The following FBXL17 variants were observed in gnomAD, a reference collection of about 807,000 sequenced individuals.
FBXL17 encodes the protein F-box/LRR-repeat protein 17.
FBXL17 carries 22 observed loss-of-function variants against 66.2 expected under a neutral mutation model. The observed-to-expected ratio is 0.33, with a 90% CI of 0.24 to 0.47. FBXL17 has a LOEUF of 0.47. Among genes scored for constraint, FBXL17 ranks in the 20% least tolerant of loss-of-function variants. FBXL17 has a pLI of 1.00. For synonymous variants in FBXL17, 474 were observed against 400.5 expected (o/e 1.18, Z -2.19); for missense variants, 878 against 948.2 (o/e 0.93, Z 0.97).
chr5:108,356,101 G>C (rs1174043652), intron 3 of FBXL17, among the ~76,000 whole-genome samples: 2 of 152,102 alleles, frequency 1.3e-5, no homozygotes, highest in Non-Finnish European at 2.9e-5. Context: ...ATTTCAGACA[G>C]AGCAGGCTTC....
chr5:108,247,201 G>C (rs1330716328), intron 4 of FBXL17, among the ~76,000 whole-genome samples: 1 of 152,160 alleles, frequency 6.6e-6, no homozygotes, highest in Non-Finnish European at 1.5e-5. Context: ...TCGAAGAAGA[G>C]AAAGCAATTG....
chr5:108,207,910 T>C (rs954578691), intron 5 of FBXL17, among the ~76,000 whole-genome samples: 5 of 152,134 alleles, frequency 3.3e-5, no homozygotes, highest in Admixed American at 2.6e-4. Flanking sequence ...TCTTCCACAA[T>C]AGTTGAACAA....
chr5:107,899,234 C>A (rs936990413), intron 7 of FBXL17, among the ~76,000 whole-genome samples: 4 of 152,172 alleles, frequency 2.6e-5, no homozygotes, highest in African/African-American at 9.7e-5. Flanking sequence ...CTATTTACTT[C>A]ATTGTAAGAA....
intron 7 of FBXL17, among the ~76,000 whole-genome samples, chr5:107,884,348 T>C (rs1231650374): frequency 6.6e-6 from 1 of 151,680 alleles, no homozygotes; most frequent in African/African-American, 2.4e-5. Flanking sequence ...AAAACAGAGG[T>C]TCAACAGCTC....
In FBXL17 at chr5:108,381,176, C is replaced by A; in HGVS notation, c.516G>T (p.Pro172=). The change falls in exon 1 of 9, where the codon CCG becomes CCT. Residue 172 remains proline (P), a synonymous_variant. Coordinates refer to ENST00000542267, the MANE Select transcript of FBXL17 (RefSeq NM_001163315.3). ...ASLGPVRFLG[P]PAAVQLFRGP... ...CCCGGAAGAGCTGCACGGCGGCGGG[C>A]GGCCCCAGGAAGCGCACCGGCCCCA... 7.0e-7 allele frequency: 1 copy of A among 1,428,080 alleles called. No homozygotes were observed. The highest frequency in any genetic ancestry group is 2.7e-5 in the Admixed American group (1 of 36,990). The allele number at this position is 1,428,080 out of a possible 1,614,324, so 88.5% of individuals were successfully genotyped here.
chr5:108,320,065 A>G (rs1047277519), intron 4 of FBXL17, among the ~76,000 whole-genome samples: 2 of 151,804 alleles, frequency 1.3e-5, no homozygotes, highest in African/African-American at 4.8e-5. Context: ...TAGAACATTT[A>G]GCATTACAAA....
intron 7 of FBXL17, among the ~76,000 whole-genome samples, chr5:107,956,315 G>A (rs1009465602): frequency 6.6e-6 from 1 of 152,162 alleles, no homozygotes; most frequent in African/African-American, 2.4e-5. Flanking sequence ...TAAGGAACCT[G>A]CAATTTTACT....
intron 4 of FBXL17, among the ~76,000 whole-genome samples, chr5:108,333,826 A>G (rs1268521669): frequency 2.6e-5 from 4 of 152,204 alleles, no homozygotes; most frequent in Admixed American, 2.0e-4. Flanking sequence ...AAGAAAACAT[A>G]GTAATAAGTA....
chr5:108,043,660 T>C (rs1747135061), intron 6 of FBXL17, among the ~76,000 whole-genome samples: 1 of 152,200 alleles, frequency 6.6e-6, no homozygotes, highest in African/African-American at 2.4e-5. Flanking sequence ...TGAGTAAATG[T>C]ATTCCCCCAA....
intron 6 of FBXL17, among the ~76,000 whole-genome samples, chr5:108,045,180 G>A (rs1364320724): frequency 2.0e-5 from 3 of 152,138 alleles, no homozygotes; most frequent in Non-Finnish European, 2.9e-5. Context: ...GGTGACTGAC[G>A]CCTATAATCC....
intron 6 of FBXL17, among the ~76,000 whole-genome samples, chr5:108,026,287 G>GT (rs1031516787): frequency 4.6e-5 from 7 of 151,434 alleles, no homozygotes; most frequent in Non-Finnish European, 7.4e-5. Context: ...GCATGAAATA[G>GT]TTTTTTTTTA....
chr5:108,116,024 AG>A lies in FBXL17; in HGVS notation c.1745+70092del, dbSNP rs2149958701. Among the ~76,000 whole-genome samples the A allele has an allele frequency of 2.0e-5, 3 of 152,332 alleles. No individual in the cohort carries two copies. The East Asian group carries it at 5.8e-4, about 29-fold the overall frequency. On this transcript the variant is annotated intron_variant, in intron 6 of 8. Transcript: ENST00000542267. The stretch of plus-strand genomic sequence containing the variant: ...ATTGGCTTGGAAATTTTACTGAATA[AG>A]TCATGGCCTGAGAAAAGATGAAAAG...
At chr5:108,230,472 G>A (rs892742737) in intron 4 of FBXL17, among the ~76,000 whole-genome samples, 10 of 152,080 alleles carry the variant, frequency 6.6e-5, no homozygotes, top group Admixed American at 5.2e-4. Context: ...ACTCAGGAAT[G>A]GAAAAACAAA....
intron 5 of FBXL17, among the ~76,000 whole-genome samples, chr5:108,195,133 G>C (rs992024754): frequency 6.6e-6 from 1 of 152,012 alleles, no homozygotes; most frequent in Non-Finnish European, 1.5e-5. Context: ...CCATAGAATG[G>C]TTATATTCCT....
chr5:108,146,610 A>C (rs1402934361), intron 6 of FBXL17, among the ~76,000 whole-genome samples: 1 of 152,244 alleles, frequency 6.6e-6, no homozygotes, highest in Non-Finnish European at 1.5e-5. Flanking sequence ...GCTTTTAAGC[A>C]TTAAGGACTA....
intron 6 of FBXL17, among the ~76,000 whole-genome samples, chr5:108,079,326 G>T (rs1001371930): frequency 6.6e-6 from 1 of 152,038 alleles, no homozygotes; most frequent in Non-Finnish European, 1.5e-5. Context: ...AAATAGTTGT[G>T]TAATAATGGA....
intron 6 of FBXL17, among the ~76,000 whole-genome samples, chr5:108,124,696 T>C (rs1750629025): frequency 6.6e-6 from 1 of 152,092 alleles, no homozygotes; most frequent in South Asian, 2.1e-4. Flanking sequence ...GACAGTAATT[T>C]GTATCATTCT....
intron 4 of FBXL17, among the ~76,000 whole-genome samples, chr5:108,238,410 C>T (rs112081791): frequency 9.8e-5 from 15 of 152,320 alleles, no homozygotes; most frequent in African/African-American, 3.4e-4. Flanking sequence ...TTGGAGCTTA[C>T]AATTTAGTAA....
intron 4 of FBXL17, among the ~76,000 whole-genome samples, chr5:108,234,684 G>C (rs1755518414): frequency 6.6e-6 from 1 of 152,306 alleles, no homozygotes; most frequent in East Asian, 1.9e-4. Context: ...GATAGAATCG[G>C]TGTGGTACTG....
Sources: gnomAD v4.1 joint callset for allele counts (sites outside exome capture counted in the v4.1 genomes callset) on GRCh38, gnomAD v4.1.1 for gene constraint, MANE v1.5 for transcripts, NCBI Gene and HGNC (gene_info 2026-07-23, HGNC 2026-07-21) for gene names.